DLGAP2: variants seen among roughly 807,000 people sequenced by gnomAD.
DLGAP2 encodes the protein disks large-associated protein 2.
DLGAP2 carries 26 observed loss-of-function variants against 100.3 expected under a neutral mutation model. The ratio of observed to expected loss-of-function variants is 0.26; its 90% CI spans 0.19 to 0.36. DLGAP2 has a LOEUF of 0.36. DLGAP2 is among the 10% of genes least tolerant of loss of function. DLGAP2 has a pLI of 1.00. For missense variants in DLGAP2, 1,858 were observed against 1,453.2 expected (o/e 1.28, Z -4.53); for synonymous variants, 886 against 630.1 (o/e 1.41, Z -6.08).
At chr8:741,583 C>T (rs553450683) in intron 1 of DLGAP2, among the ~76,000 whole-genome samples, 22 of 152,264 alleles carry the variant, frequency 1.4e-4, no homozygotes, top group East Asian at 9.6e-4. Flanking sequence ...ATGTCAGTTG[C>T]CTTAGTTCTG....
At chr8:1,668,264 A>G in intron 8 of DLGAP2, 65 bp from the exon 9 acceptor site, 1 of 1,399,814 alleles carries the variant, frequency 7.1e-7, no homozygotes, top group South Asian at 1.5e-5. Flanking sequence ...GGCGTGGGGA[A>G]ACAGTAGACC....
chr8:1,088,139 C>T (rs536623352), intron 2 of DLGAP2, among the ~76,000 whole-genome samples: 22 of 152,346 alleles, frequency 1.4e-4, no homozygotes, highest in South Asian at 6.2e-4. Flanking sequence ...GTCACCAAGG[C>T]GGCTGCTGGT....
intron 3 of DLGAP2, among the ~76,000 whole-genome samples, chr8:1,453,937 C>A (rs12550754): frequency 6.6e-6 from 1 of 152,228 alleles, no homozygotes; most frequent in Non-Finnish European, 1.5e-5. Context: ...GGAATGTGGA[C>A]ATGTGCACAG....
chr8:1,352,766 T>A (rs114656489), intron 3 of DLGAP2, among the ~76,000 whole-genome samples: 2,113 of 152,122 alleles, frequency 0.014, 54 homozygotes, highest in African/African-American at 0.048. Flanking sequence ...CTTTCTGAGG[T>A]TGGTACTTTT....
chr8:1,276,670 A>G (rs1414412196), intron 3 of DLGAP2, among the ~76,000 whole-genome samples: 1 of 151,974 alleles, frequency 6.6e-6, no homozygotes, highest in African/African-American at 2.4e-5. Context: ...CTCCTCTAGA[A>G]AGTCTGCTTG....
chr8:936,146 C>T (rs1048622491), intron 2 of DLGAP2, among the ~76,000 whole-genome samples: 7 of 152,104 alleles, frequency 4.6e-5, no homozygotes, highest in African/African-American at 1.7e-4. Context: ...CGCTGAGTCA[C>T]AGTCGGTTTA....
At chr8:1,227,588 G>C (rs528089817) in intron 2 of DLGAP2, among the ~76,000 whole-genome samples, 1 of 151,954 alleles carries the variant, frequency 6.6e-6, no homozygotes, top group Admixed American at 6.6e-5. Flanking sequence ...CCACCTCCCA[G>C]GTTCAAGCAA....
At chr8:1,243,087 G>A (rs564890862) in intron 2 of DLGAP2, among the ~76,000 whole-genome samples, 2 of 152,240 alleles carry the variant, frequency 1.3e-5, no homozygotes, top group South Asian at 2.1e-4. Flanking sequence ...GCGTTACTTT[G>A]TTTTTCCTGA....
Position 1,202,227 on chromosome 8 carries a change from G to T in DLGAP2, c.74-56624G>T, listed in dbSNP as rs1200503131. 2.1e-5 allele frequency among the ~76,000 whole-genome samples: 3 copies of T among 142,362 alleles called. No individual in the cohort carries two copies. The East Asian group carries it at 6.3e-4, about 30-fold the overall frequency. 93.4% of individuals were successfully genotyped at this position (142,362 alleles called of 152,430 possible). The stretch of plus-strand genomic sequence containing the variant: ...TGGTGTATGTGTATGCATGTATTCT[G>T]TATGTATAGATGCAGTGTGTGTGTG... On this transcript the variant is annotated intron_variant, in intron 2 of 14. Coordinates refer to ENST00000637795, the MANE Select transcript of DLGAP2 (RefSeq NM_001346810.2).
intron 4 of DLGAP2, among the ~76,000 whole-genome samples, chr8:1,528,456 C>T (rs1326772528): frequency 6.6e-6 from 1 of 152,258 alleles, no homozygotes; most frequent in African/African-American, 2.4e-5. Flanking sequence ...GATCTCACAT[C>T]TATGAAAACT....
intron 3 of DLGAP2, among the ~76,000 whole-genome samples, chr8:1,412,333 C>T (rs1382242068): frequency 6.6e-6 from 1 of 152,218 alleles, no homozygotes; most frequent in African/African-American, 2.4e-5. Context: ...CCCTCAGCCT[C>T]CCTGTCTCCC....
At chr8:998,731 C>G (rs182419704) in intron 2 of DLGAP2, among the ~76,000 whole-genome samples, 1 of 152,298 alleles carries the variant, frequency 6.6e-6, no homozygotes, top group Admixed American at 6.5e-5. Context: ...CTCTTATAAT[C>G]TGAGGAAAAC....
At chr8:1,072,625 G>C (rs1224749525) in intron 2 of DLGAP2, among the ~76,000 whole-genome samples, 1 of 152,184 alleles carries the variant, frequency 6.6e-6, no homozygotes, top group East Asian at 1.9e-4. Context: ...GTGCTGGTGG[G>C]TTTGACCTTG....
At chr8:1,495,956 G>A (rs1799533550) in intron 3 of DLGAP2, among the ~76,000 whole-genome samples, 1 of 152,168 alleles carries the variant, frequency 6.6e-6, no homozygotes, top group Non-Finnish European at 1.5e-5. Flanking sequence ...CCCAGGTGTG[G>A]CTGATGGATG....
chr8:1,078,248 A>G lies in DLGAP2; in HGVS notation c.73+170282A>G, dbSNP rs371537859. Among the ~76,000 whole-genome samples, 3 of 152,316 alleles carry G rather than the reference A, an allele frequency of 2.0e-5. No individual in the cohort carries two copies. In the East Asian group the frequency reaches 5.8e-4, roughly 29 times the overall value. ...GTGGCTTGCACTGTTTTTTAAATTAATAGAATTTATTTTTAAGAGCAGGTT... is the reference window on the plus strand; with the variant it reads ...GTGGCTTGCACTGTTTTTTAAATTAGTAGAATTTATTTTTAAGAGCAGGTT... On this transcript the variant is annotated intron_variant, in intron 2 of 14. Transcript: ENST00000637795.
intron 1 of DLGAP2, among the ~76,000 whole-genome samples, chr8:771,466 C>T (rs997272335): frequency 2.6e-5 from 4 of 152,242 alleles, no homozygotes; most frequent in Non-Finnish European, 4.4e-5. Flanking sequence ...CCTGGGCCTG[C>T]ACTAGCCGGG....
chr8:951,498 G>A (rs529092517), intron 2 of DLGAP2, among the ~76,000 whole-genome samples: 43 of 152,264 alleles, frequency 2.8e-4, no homozygotes, highest in East Asian at 7.7e-4. Flanking sequence ...TGATCTGCCC[G>A]TCTTGGCCTC....
In DLGAP2 at chr8:1,683,027, G is replaced by A. The variant is rs555544361; in HGVS notation, c.2704+4398G>A. Among the ~76,000 whole-genome samples the A allele has an allele frequency of 3.2e-4, 48 of 151,470 alleles. 2 individuals carry two copies. Among genetic ancestry groups the A allele is most frequent in the African/African-American group, 5.3e-4 (22 of 41,426 alleles). On this transcript the variant is annotated intron_variant, in intron 12 of 14. Coordinates refer to ENST00000637795, the MANE Select transcript of DLGAP2 (RefSeq NM_001346810.2). ...TAGATATTTATTGATTACTTACGAC[G>A]AAGCAAGCCACTCTCCGATAGACAA...
intron 2 of DLGAP2, among the ~76,000 whole-genome samples, chr8:1,163,071 G>A (rs1483702403): frequency 2.0e-5 from 3 of 152,288 alleles, no homozygotes; most frequent in African/African-American, 4.8e-5. Flanking sequence ...TGGAGTCCTC[G>A]GCTGGTAAGA....
Sources: allele counts gnomAD v4.1 joint callset (sites outside exome capture counted in the v4.1 genomes callset), GRCh38; gene constraint gnomAD v4.1.1; transcripts MANE v1.5; gene names NCBI Gene and HGNC (gene_info 2026-07-23, HGNC 2026-07-21).